CCDC197: variants seen among roughly 807,000 people sequenced by gnomAD.
The protein encoded by CCDC197 is uncharacterized protein CCDC197.
CCDC197 carries 24 observed loss-of-function variants against 13.4 expected under a neutral mutation model. That is an observed-to-expected ratio of 1.80 (90% CI 1.30 to 2.53). The LOEUF is 2.53. Among genes scored for constraint, CCDC197 ranks in the 30% most tolerant of loss-of-function variants. The pLI, the probability that CCDC197 is intolerant of heterozygous loss-of-function variation, is 0.00. For missense variants in CCDC197, 255 were observed against 148.8 expected (o/e 1.71, Z -3.71); for synonymous variants, 99 against 55.5 (o/e 1.78, Z -3.48).
chr14:94,007,904 T>A (rs959995790), intron 6 of CCDC197, among the ~76,000 whole-genome samples: 2 of 152,208 alleles, frequency 1.3e-5, no homozygotes, highest in African/African-American at 4.8e-5. Flanking sequence ...GAAGGACTTC[T>A]CCAGGAGCCT....
intron 4 of CCDC197, 169 bp downstream of exon 4, chr14:94,001,492 C>T (rs1193495248): frequency 7.4e-6 from 4 of 541,390 alleles, no homozygotes; most frequent in Non-Finnish European, 1.3e-5. Flanking sequence ...TCCCCTTCCT[C>T]TCCCCTCTGC....
chr14:94,010,315 T>C (rs1293672827), downstream of CCDC197, among the ~76,000 whole-genome samples: 6 of 152,192 alleles, frequency 3.9e-5, no homozygotes, highest in African/African-American at 1.4e-4. Context: ...GCGATTCTCC[T>C]GCCTCAGCCT....
chr14:93,997,783 C>T (rs1275444506), intron 1 of CCDC197, among the ~76,000 whole-genome samples: 1 of 152,184 alleles, frequency 6.6e-6, no homozygotes, highest in Non-Finnish European at 1.5e-5. Context: ...TGGCCAGGAA[C>T]TGAAGACTTG....
chr14:93,997,341 T>C lies in CCDC197; in HGVS notation c.-364T>C, dbSNP rs972408249. On this transcript the variant is annotated 5_prime_UTR_variant, in exon 1 of 7. Transcript: ENST00000636493. ...TCCTCCAGTGCCTGTCTACCTATGT[T>C]TGATGCTTGGGGCTAGAAAGACTGA... The C allele has an allele frequency of 3.9e-5, 6 of 152,296 alleles. No homozygotes were observed. The highest frequency in any genetic ancestry group is 1.4e-4 in the African/African-American group (6 of 41,446). 9.4% of individuals were successfully genotyped at this position (152,296 alleles called of 1,614,324 possible).
Position 94,005,164 on chromosome 14 carries a change from G to C in CCDC197, c.615+193G>C, listed in dbSNP as rs192728787. On this transcript the variant is annotated intron_variant, in intron 6 of 6. Transcript: ENST00000636493. Reference sequence around the variant, plus strand: ...AGTCTACAAACTTGAGCACCCACTAGGTGAAGGGTCAGTGTAGAAGGTGCA... The same window carrying C: ...AGTCTACAAACTTGAGCACCCACTACGTGAAGGGTCAGTGTAGAAGGTGCA... Among the ~76,000 whole-genome samples, 5 of 152,228 alleles carry C rather than the reference G, an allele frequency of 3.3e-5. No homozygotes were observed. The East Asian group carries it at 9.7e-4, about 29-fold the overall frequency.
At chr14:93,990,739 G>A (rs1405758511) in intron 1 of CCDC197, among the ~76,000 whole-genome samples, 1 of 152,232 alleles carries the variant, frequency 6.6e-6, no homozygotes, top group Non-Finnish European at 1.5e-5. Flanking sequence ...GCATTCAGGA[G>A]AGGCCTGGCC....
In CCDC197 at chr14:94,003,240, G is replaced by A. The variant is rs1387863355; in HGVS notation, c.384G>A (p.Leu128=). 1 of 780,888 alleles carries A rather than the reference G, an allele frequency of 1.3e-6. No individual in the cohort carries two copies. Among genetic ancestry groups the A allele is most frequent in the South Asian group, 1.3e-5 (1 of 74,592 alleles). 48.4% of individuals were successfully genotyped at this position (780,888 alleles called of 1,614,324 possible). Residue 128 remains leucine, a synonymous_variant, in exon 5 of 7, where the codon CTG becomes CTA. Coordinates refer to ENST00000636493, the MANE Select transcript of CCDC197 (RefSeq NM_001351596.2). This position sits in a 1 kb window ranked among gnomAD's most constrained non-coding sequence, Gnocchi z 5.0. ...RALMLSLKIR[L]CQLQKKCYRK... The stretch of plus-strand genomic sequence containing the variant: ...TGCCCCAGAGCCTCAAGATCCGGCT[G>A]TGTCAGCTGCAGAAGAAGTGCTACC...
upstream of CCDC197, among the ~76,000 whole-genome samples, chr14:93,993,853 CA>C: frequency 6.6e-6 from 1 of 152,312 alleles, no homozygotes; most frequent in South Asian, 2.1e-4. Flanking sequence ...GTCCAAGGCC[CA>C]GGGGGTAGAG....
At chr14:94,002,026 T>C (rs1213604628) in intron 4 of CCDC197, among the ~76,000 whole-genome samples, 1 of 152,206 alleles carries the variant, frequency 6.6e-6, no homozygotes, top group Non-Finnish European at 1.5e-5. Context: ...AATTCATGGA[T>C]GGGCTGGGCA....
chr14:93,987,810 A>G (rs530842981), intron 1 of CCDC197, among the ~76,000 whole-genome samples: 72 of 151,718 alleles, frequency 4.7e-4, no homozygotes, highest in Non-Finnish European at 8.5e-4. Flanking sequence ...AACTATTATT[A>G]TTTTTATCCT....
At chr14:93,987,959 GA>G (rs1316472415) in intron 1 of CCDC197, among the ~76,000 whole-genome samples, 1 of 143,662 alleles carries the variant, frequency 7.0e-6, no homozygotes, top group Non-Finnish European at 1.5e-5. Flanking sequence ...GGGAGTGGGG[GA>G]GGGGAGGGGC....
At chr14:94,005,018 G>T in intron 6 of CCDC197, 47 bp downstream of exon 6, 1 of 690,460 alleles carries the variant, frequency 1.4e-6, no homozygotes, top group South Asian at 1.5e-5. Flanking sequence ...CCCCAGGCAA[G>T]ACTCCAACTT....
chr14:94,001,520 G>A (rs1423987646), intron 4 of CCDC197, 197 bp downstream of exon 4: 2 of 513,112 alleles, frequency 3.9e-6, no homozygotes, highest in African/African-American at 3.9e-5. Flanking sequence ...GGCTCAGCTC[G>A]TGCCTAACGT....
rs539194891 is a variant in CCDC197 at position 93,998,533 on chromosome 14, C to T, written c.104+298C>T. Among the ~76,000 whole-genome samples, 11 of 152,342 alleles carry T rather than the reference C, an allele frequency of 7.2e-5. No individual in the cohort carries two copies. The East Asian group carries it at 2.1e-3, about 29-fold the overall frequency. On this transcript the variant is annotated intron_variant, in intron 2 of 6. Coordinates refer to ENST00000636493, the MANE Select transcript of CCDC197 (RefSeq NM_001351596.2). Reference sequence around the variant, plus strand: ...GTGACCATCCGTCTGCACCTGTCCACTCGGCCCCTCTAAGGCCAGTCTACG... The same window carrying T: ...GTGACCATCCGTCTGCACCTGTCCATTCGGCCCCTCTAAGGCCAGTCTACG...
chr14:93,988,379 AAG>A (rs1261422707), intron 1 of CCDC197, among the ~76,000 whole-genome samples: 1 of 84,706 alleles, frequency 1.2e-5, no homozygotes, highest in Non-Finnish European at 2.3e-5. Flanking sequence ...GAGAGAGGAC[AAG>A]AGAGGGGATG....
At position 94,003,366 on chromosome 14, in the gene CCDC197, C is replaced by A; in HGVS notation, c.498+12C>A. The A allele has an allele frequency of 4.2e-6, 2 of 478,276 alleles. No individual in the cohort carries two copies. The highest frequency in any genetic ancestry group is 1.5e-5 in the South Asian group (1 of 65,418). The allele number at this position is 478,276 out of a possible 1,614,324, so 29.6% of individuals were successfully genotyped here. On this transcript the variant is annotated intron_variant, in intron 5 of 6. Coordinates refer to ENST00000636493, the MANE Select transcript of CCDC197 (RefSeq NM_001351596.2). This position sits in a 1 kb window ranked among gnomAD's most constrained non-coding sequence, Gnocchi z 5.0. ...GCAGCAGCTATAATGTGAGTCCAGT[C>A]TTTCAGCCTGGGGGTGGGGTTAGGG...
Position 93,999,592 on chromosome 14 carries a change from G to A in CCDC197, c.114G>A (p.Lys38=), listed in dbSNP as rs960981579. 1 of 780,978 alleles carries A rather than the reference G, an allele frequency of 1.3e-6. No individual in the cohort carries two copies. Among genetic ancestry groups the A allele is most frequent in the South Asian group, 1.3e-5 (1 of 74,610 alleles). The allele number at this position is 780,978 out of a possible 1,614,324, so 48.4% of individuals were successfully genotyped here. A position where few individuals can be genotyped will look rare whatever the true frequency, so the allele number is the denominator to read the frequency against. ...ELYQLQAKQK[K]LKREVEKHKL... ...GCATCTGGCTCTACAGGCAGAAGAA[G>A]CTCAAGAGAGAAGTCGAGAAGCACA... The change falls in exon 3 of 7, where the codon AAG becomes AAA. Residue 38 remains lysine, a synonymous_variant. Coordinates refer to ENST00000636493, the MANE Select transcript of CCDC197 (RefSeq NM_001351596.2).
intron 1 of CCDC197, among the ~76,000 whole-genome samples, chr14:93,991,426 C>T (rs879812483): frequency 3.9e-5 from 6 of 152,134 alleles, no homozygotes; most frequent in Non-Finnish European, 8.8e-5. Flanking sequence ...CACAGAGGCT[C>T]AAAGAGATTG....
In CCDC197 at chr14:94,004,953, C is replaced by CT. The variant is rs764344856; in HGVS notation, c.597_598insT (p.Lys200Ter). On this transcript the variant is annotated frameshift_variant, in exon 6 of 7. Coordinates refer to ENST00000636493, the MANE Select transcript of CCDC197 (RefSeq NM_001351596.2). LOFTEE classifies it low-confidence loss of function (END_TRUNC). ...TGCCCAAGAGCATGGATCTCTTCTC[C>CT]AAGCTCGATCTGATTAAGGTAAGGA... 48 of 702,864 alleles carry CT rather than the reference C, an allele frequency of 6.8e-5. No individual in the cohort carries two copies. The African/African-American group carries it at 8.0e-4, about 12-fold the overall frequency. The allele number at this position is 702,864 out of a possible 1,614,324, so 43.5% of individuals were successfully genotyped here.
Sources: allele counts gnomAD v4.1 joint callset (sites outside exome capture counted in the v4.1 genomes callset), GRCh38; gene constraint gnomAD v4.1.1; non-coding constraint Gnocchi (gnomAD v3.1); transcripts MANE v1.5; gene names NCBI Gene and HGNC (gene_info 2026-07-23, HGNC 2026-07-21).